The following MEGF10 variants were observed in gnomAD, a reference collection of about 807,000 sequenced individuals.
MEGF10 encodes multiple epidermal growth factor-like domains protein 10.
In MEGF10, 86 loss-of-function variants were observed where a neutral mutation model predicts 147.5. That is an observed-to-expected ratio of 0.58 (90% confidence interval 0.49 to 0.70). The LOEUF is 0.70. Ranked by LOEUF, MEGF10 falls within the 30% of genes least tolerant of loss-of-function variation. The pLI is 0.00. For missense variants in MEGF10, 1,329 were observed against 1,487.3 expected, an observed-to-expected ratio of 0.89 and a Z score of 1.75; for synonymous variants, 478 against 525.5, an observed-to-expected ratio of 0.91 and a Z score of 1.24.
Position 127,419,185 on chromosome 5 carries a change from C to G in MEGF10, c.1371C>G (p.Gly457=). ...GGATAAACTGTTCCTCTCGCTGTGG[C>G]TGTAAAAATGATGCAGTCTGCTCTC... is the stretch of plus-strand genomic sequence containing the variant. The part of the protein sequence containing the change: ...TYGINCSSRC[G]CKNDAVCSPV... Residue 457 remains glycine (G), a synonymous_variant, in exon 11 of 25, where the codon GGC becomes GGG. Transcript: ENST00000503335. The G allele has an allele frequency of 6.2e-7, 1 of 1,614,170 alleles. No individual in the cohort carries two copies. The highest frequency in any genetic ancestry group is 8.5e-7 in the Non-Finnish European group (1 of 1,180,032).
intron 7 of MEGF10, among the ~76,000 whole-genome samples, chr5:127,400,837 T>C (rs902686152): frequency 3.3e-5 from 5 of 152,188 alleles, no homozygotes; most frequent in South Asian, 4.1e-4. Flanking sequence ...CCCCTTACCT[T>C]ACTTCTGCTT....
At chr5:127,277,730 T>C in the MEGF10 span, among the ~76,000 whole-genome samples, 3 of 152,184 alleles carry the variant, frequency 2.0e-5, no homozygotes, top group Admixed American at 2.0e-4. Context: ...AGTAGGTTGG[T>C]GAATGTATTT....
rs185499829 is a variant in MEGF10, at chr5:127,418,197, C to T, written c.1305+385C>T. Among the ~76,000 whole-genome samples the T allele has an allele frequency of 4.6e-5, 7 of 152,252 alleles. No homozygotes were observed. The East Asian group carries it at 1.4e-3, about 29-fold the overall frequency. Reference sequence around the variant, plus strand: ...AAAATTTGAAGACACATCGAGTTAGCATTTGTAATGTATTTACATTCTGTA... The same window carrying T: ...AAAATTTGAAGACACATCGAGTTAGTATTTGTAATGTATTTACATTCTGTA... On this transcript the variant is annotated intron_variant, in intron 10 of 24. Transcript: ENST00000503335.
chr5:127,279,774 A>G, the MEGF10 span, among the ~76,000 whole-genome samples: 1 of 152,218 alleles, frequency 6.6e-6, no homozygotes, highest in Non-Finnish European at 1.5e-5. Flanking sequence ...GACTCCAGAC[A>G]TAGCATCTGT....
intron 14 of MEGF10, among the ~76,000 whole-genome samples, 174 bp from the exon 15 acceptor site, chr5:127,434,513 G>T (rs960529279): frequency 6.6e-6 from 1 of 152,056 alleles, no homozygotes; most frequent in African/African-American, 2.4e-5. Flanking sequence ...CTCATTAAAG[G>T]GTTCCTTTGT....
At chr5:127,376,507 G>A (rs1196531853) in intron 5 of MEGF10, among the ~76,000 whole-genome samples, 2 of 152,120 alleles carry the variant, frequency 1.3e-5, no homozygotes, top group Non-Finnish European at 2.9e-5. Context: ...GTGTAAACAG[G>A]TTTCTAGGTA....
At chr5:127,342,681 C>T (rs1385728631) in intron 4 of MEGF10, among the ~76,000 whole-genome samples, 4 of 152,106 alleles carry the variant, frequency 2.6e-5, no homozygotes, top group Admixed American at 6.6e-5. Context: ...GGCACTATCA[C>T]GCCTGAAATT....
chr5:127,339,018 T>C (rs1355745718), intron 2 of MEGF10, 102 bp from the exon 3 acceptor site: 1 of 568,544 alleles, frequency 1.8e-6, no homozygotes, highest in African/African-American at 1.9e-5. Flanking sequence ...CACTATGGAG[T>C]TGCAAATGGA....
intron 4 of MEGF10, among the ~76,000 whole-genome samples, chr5:127,365,188 A>G (rs957090671): frequency 1.8e-4 from 27 of 152,334 alleles, no homozygotes; most frequent in African/African-American, 6.5e-4. Context: ...TTGTTCCTTT[A>G]AAAAACTATT....
chr5:127,411,205 C>T (rs891641090), intron 9 of MEGF10, among the ~76,000 whole-genome samples: 3 of 152,142 alleles, frequency 2.0e-5, no homozygotes, highest in Admixed American at 6.5e-5. Flanking sequence ...AACCACGATC[C>T]TACCCACCCT....
chr5:127,415,022 G>A (rs1042173370), intron 9 of MEGF10, among the ~76,000 whole-genome samples: 11 of 151,758 alleles, frequency 7.2e-5, no homozygotes, highest in African/African-American at 2.7e-4. Flanking sequence ...AGAGAGTAAG[G>A]AAACTGCATC....
At chr5:127,270,119 T>A in the MEGF10 span, among the ~76,000 whole-genome samples, 1 of 152,200 alleles carries the variant, frequency 6.6e-6, no homozygotes, top group Non-Finnish European at 1.5e-5. Flanking sequence ...TACCAGCCAC[T>A]GCAAAAACAT....
At chr5:127,286,737 A>G (rs1180841027), upstream of MEGF10, among the ~76,000 whole-genome samples, 1 of 151,944 alleles carries the variant, frequency 6.6e-6, no homozygotes, top group Non-Finnish European at 1.5e-5. Flanking sequence ...AAGAGCTAAA[A>G]TCAACAAAGT....
intron 4 of MEGF10, among the ~76,000 whole-genome samples, chr5:127,356,350 T>C (rs182544589): frequency 1.6e-3 from 242 of 152,284 alleles, no homozygotes; most frequent in African/African-American, 5.7e-3. Flanking sequence ...CCTTTGGTTG[T>C]AGTAGTAGCC....
At chr5:127,395,689 C>T (rs537171633) in intron 5 of MEGF10, among the ~76,000 whole-genome samples, 30 of 151,852 alleles carry the variant, frequency 2.0e-4, no homozygotes, top group Non-Finnish European at 3.7e-4. Context: ...GGACTACAGG[C>T]GCCCGCCACC....
intron 4 of MEGF10, among the ~76,000 whole-genome samples, chr5:127,364,191 C>CAA (rs1762575449): frequency 6.6e-6 from 1 of 152,204 alleles, no homozygotes; most frequent in African/African-American, 2.4e-5. Context: ...AGTATATTCA[C>CAA]AAAGTTGTAC....
intron 2 of MEGF10, among the ~76,000 whole-genome samples, chr5:127,336,554 T>A (rs1330710979): frequency 6.6e-6 from 1 of 152,116 alleles, no homozygotes; most frequent in African/African-American, 2.4e-5. Flanking sequence ...TAGAAACCAG[T>A]GAAAACATTT....
intron 4 of MEGF10, among the ~76,000 whole-genome samples, chr5:127,341,958 C>T (rs558809389): frequency 6.6e-6 from 1 of 152,216 alleles, no homozygotes; most frequent in East Asian, 1.9e-4. Context: ...AGTAGAATTG[C>T]TGGATTAGAA....
chr5:127,322,982 T>C (rs867056427), intron 1 of MEGF10, among the ~76,000 whole-genome samples: 17 of 152,094 alleles, frequency 1.1e-4, no homozygotes, highest in African/African-American at 3.4e-4. Context: ...TATATATATA[T>C]ACATACGCAC....
Sources: allele counts gnomAD v4.1 joint callset (sites outside exome capture counted in the v4.1 genomes callset), GRCh38; gene constraint gnomAD v4.1.1; transcripts MANE v1.5; gene names NCBI Gene and HGNC (gene_info 2026-07-23, HGNC 2026-07-21).